Variants in SLC17A1 observed in about 807,000 individuals in gnomAD.
SLC17A1 encodes solute carrier family 17 member 1.
In SLC17A1, 51 loss-of-function variants were observed where a neutral mutation model predicts 53.5. The observed-to-expected ratio is 0.95, with a 90% CI of 0.76 to 1.20. SLC17A1 has a LOEUF of 1.20. Among genes scored for constraint, SLC17A1 ranks in the 50% most tolerant of loss-of-function variants. The pLI, the probability that SLC17A1 is intolerant of heterozygous loss-of-function variation, is 0.00. For missense variants in SLC17A1, 538 were observed against 568.2 expected (o/e 0.95, Z 0.54); for synonymous variants, 179 against 198.8 (o/e 0.90, Z 0.84).
At chr6:25,739,701 A>G in the SLC17A1 span, among the ~76,000 whole-genome samples, 6 of 152,224 alleles carry the variant, frequency 3.9e-5, no homozygotes, top group Non-Finnish European at 8.8e-5. Context: ...AATATTACAT[A>G]CTATATGATT....
the SLC17A1 span, chr6:25,726,769 C>T: frequency 9.3e-6 from 11 of 1,185,114 alleles, no homozygotes; most frequent in East Asian, 2.4e-5. Context: ...CTTTCATCCT[C>T]CAGTTCTGTT....
At chr6:25,756,396 T>TA in the SLC17A1 span, among the ~76,000 whole-genome samples, 1 of 152,196 alleles carries the variant, frequency 6.6e-6, no homozygotes, top group African/African-American at 2.4e-5. Context: ...GGTAAGTGGT[T>TA]AGACTAGGCA....
At chr6:25,814,304 G>T (rs9467614) in intron 6 of SLC17A1, among the ~76,000 whole-genome samples, 42,345 of 152,038 alleles carry the variant, frequency 0.28, 6,398 homozygotes, top group African/African-American at 0.4. Flanking sequence ...CAGACAAAAG[G>T]CCCTGCCTTT....
At chr6:25,769,721 A>G in the SLC17A1 span, among the ~76,000 whole-genome samples, 1 of 152,110 alleles carries the variant, frequency 6.6e-6, no homozygotes. Context: ...TTCCCCTACA[A>G]TGATGAAAAT....
chr6:25,812,578 G>A (rs937582413), intron 8 of SLC17A1, among the ~76,000 whole-genome samples: 10 of 152,310 alleles, frequency 6.6e-5, no homozygotes, highest in Middle Eastern at 6.8e-3. Context: ...CATAGTCAAT[G>A]GGAGATGGCA....
At chr6:25,797,385 GA>G (rs1242493358) in intron 12 of SLC17A1, among the ~76,000 whole-genome samples, 4 of 152,108 alleles carry the variant, frequency 2.6e-5, no homozygotes, top group Non-Finnish European at 5.9e-5. Flanking sequence ...GCCTGGACAT[GA>G]AAAATAGAAT....
the SLC17A1 span, among the ~76,000 whole-genome samples, chr6:25,753,093 T>A: frequency 2.0e-5 from 3 of 152,228 alleles, no homozygotes; most frequent in African/African-American, 7.2e-5. Flanking sequence ...TAGCCTAGGC[T>A]GACACAAAAT....
At chr6:25,802,442 T>C (rs909709689) in intron 10 of SLC17A1, among the ~76,000 whole-genome samples, 9 of 152,200 alleles carry the variant, frequency 5.9e-5, no homozygotes, top group African/African-American at 1.9e-4. Context: ...TCTTCTTTTG[T>C]TCCTATATTT....
At chr6:25,727,435 A>G in the SLC17A1 span, 1 of 683,870 alleles carries the variant, frequency 1.5e-6, no homozygotes, top group Non-Finnish European at 2.3e-6. Flanking sequence ...TCACTCTCCC[A>G]GGCTGGAGTG....
the SLC17A1 span, among the ~76,000 whole-genome samples, chr6:25,743,398 A>T: frequency 6.6e-6 from 1 of 152,202 alleles, no homozygotes; most frequent in Non-Finnish European, 1.5e-5. Flanking sequence ...ATTCTTTATG[A>T]GATGCCTTCT....
At chr6:25,766,419 T>C in the SLC17A1 span, among the ~76,000 whole-genome samples, 1 of 152,218 alleles carries the variant, frequency 6.6e-6, no homozygotes, top group Non-Finnish European at 1.5e-5. Flanking sequence ...CTTCTGAAGA[T>C]GGAGCTTAGC....
At chr6:25,736,705 A>G in the SLC17A1 span, among the ~76,000 whole-genome samples, 1 of 152,180 alleles carries the variant, frequency 6.6e-6, no homozygotes, top group Admixed American at 6.5e-5. Context: ...GTCTTCTGTT[A>G]CACCAAGATT....
the SLC17A1 span, chr6:25,769,218 T>C: frequency 1.3e-6 from 2 of 1,574,962 alleles, no homozygotes; most frequent in Non-Finnish European, 1.7e-6. Context: ...CTGGACTCTT[T>C]CTTTGACTCA....
At chr6:25,762,114 G>A in the SLC17A1 span, 9 of 1,450,946 alleles carry the variant, frequency 6.2e-6, no homozygotes, top group Non-Finnish European at 8.6e-6. Context: ...ACTGTAACTT[G>A]TGGTACTAAA....
intron 12 of SLC17A1, among the ~76,000 whole-genome samples, chr6:25,798,320 G>A (rs547307835): frequency 6.6e-6 from 1 of 152,230 alleles, no homozygotes; most frequent in South Asian, 2.1e-4. Context: ...AGGACTCTTT[G>A]TCTCCATCAT....
chr6:25,792,157 T>C (rs775088036), intron 12 of SLC17A1, among the ~76,000 whole-genome samples: 4 of 152,184 alleles, frequency 2.6e-5, no homozygotes, highest in Admixed American at 2.6e-4. Flanking sequence ...TATTTGGGAC[T>C]TCCAGCATTC....
intron 12 of SLC17A1, among the ~76,000 whole-genome samples, chr6:25,787,459 A>G (rs1041661926): frequency 7.9e-5 from 12 of 152,232 alleles, no homozygotes; most frequent in Admixed American, 5.2e-4. Context: ...AACCATCCCT[A>G]TAAACTTTAC....
chr6:25,764,120 C>T, the SLC17A1 span, among the ~76,000 whole-genome samples: 5 of 152,168 alleles, frequency 3.3e-5, no homozygotes, highest in Non-Finnish European at 7.4e-5. Flanking sequence ...TCTAACATGA[C>T]TGATCCTCAC....
chr6:25,826,680 A>G, intron 2 of SLC17A1, 47 bp from the exon 3 acceptor site: 1 of 1,425,134 alleles, frequency 7.0e-7, no homozygotes, highest in Non-Finnish European at 9.4e-7. Flanking sequence ...AGCTGAGATA[A>G]AAACATACTT....
Sources: allele counts gnomAD v4.1 joint callset (sites outside exome capture counted in the v4.1 genomes callset), GRCh38; gene constraint gnomAD v4.1.1; transcripts MANE v1.5; gene names NCBI Gene and HGNC (gene_info 2026-07-23, HGNC 2026-07-21).